ABCB4: variants seen among roughly 807,000 people sequenced by gnomAD.
ABCB4 encodes the protein phosphatidylcholine translocator ABCB4.
In ABCB4, 76 loss-of-function variants were observed where a neutral mutation model predicts 145.7. The ratio of observed to expected loss-of-function variants is 0.52; its 90% confidence interval spans 0.43 to 0.63. The LOEUF is 0.63. Ranked by LOEUF, ABCB4 falls within the 30% of genes least tolerant of loss-of-function variation. The pLI, the probability that ABCB4 is intolerant of heterozygous loss-of-function variation, is 0.00. For synonymous variants in ABCB4, 517 were observed against 566.8 expected (o/e 0.91, Z 1.25); for missense variants, 1,234 against 1,553.1 (o/e 0.79, Z 3.45).
the ABCB4 span, among the ~76,000 whole-genome samples, chr7:87,373,286 TG>T: frequency 7.9e-5 from 12 of 152,272 alleles, no homozygotes; most frequent in Non-Finnish European, 1.3e-4. Context: ...TAAATTAGTT[TG>T]TTTTTTTATT....
the ABCB4 span, chr7:87,382,100 A>T: frequency 6.2e-7 from 1 of 1,613,302 alleles, no homozygotes; most frequent in South Asian, 1.1e-5. Context: ...GAGATATACC[A>T]CTTCCAGAAG....
In ABCB4 at chr7:87,443,340, G is replaced by A. The variant is rs1220104971; in HGVS notation, c.1335C>T (p.Leu445=). The A allele has an allele frequency of 1.9e-6, 3 of 1,614,032 alleles. No individual in the cohort carries two copies. The highest frequency in any genetic ancestry group is 3.3e-4 in the Middle Eastern group (2 of 6,054). The change falls in exon 12 of 28, where the codon CTC becomes CTT. Residue 445 remains leucine, a synonymous_variant. Transcript: ENST00000649586. ...TTACTGTGCCCTCATCAGGGTCATA[G>A]AGCCTCTGTATCAGCTGGACCGTTG... ...KSTTVQLIQR[L]YDPDEGTINI... is the part of the protein sequence containing the mutation.
intron 3 of ABCB4, among the ~76,000 whole-genome samples, chr7:87,464,994 G>C (rs1234922999): frequency 6.6e-6 from 1 of 152,184 alleles, no homozygotes; most frequent in Non-Finnish European, 1.5e-5. Flanking sequence ...TGAGGCCCCA[G>C]GTTCATCTCA....
At chr7:87,436,367 G>C (rs1810611990) in intron 14 of ABCB4, among the ~76,000 whole-genome samples, 1 of 151,846 alleles carries the variant, frequency 6.6e-6, no homozygotes, top group African/African-American at 2.4e-5. Context: ...TTTTCTGATG[G>C]CAGGTTCACT....
At chr7:87,473,414 T>C (rs986626725) in intron 2 of ABCB4, among the ~76,000 whole-genome samples, 1 of 152,200 alleles carries the variant, frequency 6.6e-6, no homozygotes, top group African/African-American at 2.4e-5. Context: ...TCACCAAACA[T>C]GTACCTGACT....
intron 14 of ABCB4, among the ~76,000 whole-genome samples, chr7:87,432,437 G>T (rs45547639): frequency 0.059 from 8,911 of 152,136 alleles, 310 homozygotes; most frequent in South Asian, 0.14. Context: ...AAAAATGAGA[G>T]GCTAGATTCA....
chr7:87,412,526 T>C (rs1032905025), intron 22 of ABCB4, among the ~76,000 whole-genome samples: 1 of 152,186 alleles, frequency 6.6e-6, no homozygotes, highest in African/African-American at 2.4e-5. Context: ...CAGAAGTCCT[T>C]TCCCAAGCTA....
Position 87,443,448 on chromosome 7 carries a change from T to C in ABCB4, c.1231-4A>G. 3.7e-6 allele frequency: 6 copies of C among 1,613,440 alleles called. No individual in the cohort carries two copies. Among genetic ancestry groups the C allele is most frequent in the Non-Finnish European group, 5.1e-6 (6 of 1,179,894 alleles). The stretch of plus-strand genomic sequence containing the variant: ...TCAGGTTGAGGCCCTTCAAGATCTG[T>C]AAGGAAAATGAGAAAAAAGAACACA... On this transcript the variant is annotated splice_region_variant and splice_polypyrimidine_tract_variant and intron_variant, in intron 11 of 27. Transcript: ENST00000649586.
At chr7:87,376,697 T>C in the ABCB4 span, among the ~76,000 whole-genome samples, 1 of 151,986 alleles carries the variant, frequency 6.6e-6, no homozygotes, top group South Asian at 2.1e-4. Context: ...TAATGCAGTG[T>C]TGTTCAAAGT....
chr7:87,432,756 A>G (rs569168703), intron 14 of ABCB4, among the ~76,000 whole-genome samples: 1 of 152,266 alleles, frequency 6.6e-6, no homozygotes, highest in South Asian at 2.1e-4. Context: ...TTTCTTAATG[A>G]GGTGGTGAAA....
chr7:87,433,675 GTTT>G (rs1000391993), intron 14 of ABCB4, among the ~76,000 whole-genome samples: 1 of 100,366 alleles, frequency 1.0e-5, no homozygotes. Flanking sequence ...AATTGTTGTT[GTTT>G]TTTTTTTTTT....
intron 21 of ABCB4, among the ~76,000 whole-genome samples, 183 bp from the exon 22 acceptor site, chr7:87,413,900 T>C (rs1219470841): frequency 2.0e-5 from 3 of 152,258 alleles, no homozygotes; most frequent in Non-Finnish European, 4.4e-5. Flanking sequence ...CTGGTACTTC[T>C]GGCTGTGCTA....
Position 87,431,505 on chromosome 7 carries a change from C to A in ABCB4, c.1792G>T (p.Asp598Tyr). ...CCATCCTCAAACCCAGCGATGACAT[C>A]TGCATTTCGGACCGTAGACAGTCGG... ...AHRLSTVRNADVIAGFEDGVI... is the reference protein window; with the variant it reads ...AHRLSTVRNAYVIAGFEDGVI... Residue 598 changes from aspartate to tyrosine, a missense_variant, in exon 15 of 28, where the codon GAT becomes TAT. Physicochemically the swap from Asp to Tyr is radical, Grantham distance 160. Coordinates refer to ENST00000649586, the MANE Select transcript of ABCB4 (RefSeq NM_000443.4). 6.2e-7 allele frequency: 1 copy of A among 1,614,168 alleles called. No individual in the cohort carries two copies. The highest frequency in any genetic ancestry group is 8.5e-7 in the Non-Finnish European group (1 of 1,179,998).
At chr7:87,467,834 T>C (rs887211298) in intron 3 of ABCB4, among the ~76,000 whole-genome samples, 7 of 152,194 alleles carry the variant, frequency 4.6e-5, no homozygotes, top group Non-Finnish European at 8.8e-5. Flanking sequence ...ATAAAGATGT[T>C]CTTTGAAACC....
At chr7:87,403,058 G>GT (rs1267326375) in intron 27 of ABCB4, 77 bp downstream of exon 27, 14 of 1,493,464 alleles carry the variant, frequency 9.4e-6, no homozygotes, top group Non-Finnish European at 1.2e-5. Context: ...GCTTGTGTGT[G>GT]TTTTTTTCAT....
At chr7:87,452,907 T>G in intron 6 of ABCB4, 37 bp downstream of exon 6, 3 of 1,598,444 alleles carry the variant, frequency 1.9e-6, no homozygotes, top group Non-Finnish European at 2.6e-6. Context: ...CAGTAATTAA[T>G]TTCTATATGA....
chr7:87,442,548 A>AT (rs1811056803), intron 12 of ABCB4, among the ~76,000 whole-genome samples: 1 of 152,092 alleles, frequency 6.6e-6, no homozygotes, highest in African/African-American at 2.4e-5. Flanking sequence ...AAATTTACTG[A>AT]TTTTTAATCA....
the ABCB4 span, among the ~76,000 whole-genome samples, chr7:87,388,955 G>C: frequency 3.9e-5 from 6 of 152,060 alleles, no homozygotes; most frequent in African/African-American, 1.4e-4. Context: ...ATCAAAAAGT[G>C]GGCAAAAGAT....
chr7:87,392,489 T>A, the ABCB4 span: 1 of 1,113,738 alleles, frequency 9.0e-7, no homozygotes, highest in East Asian at 2.4e-5. Flanking sequence ...CAATCCTAAT[T>A]ACAATGAGCT....
Sources: gnomAD v4.1 joint callset for allele counts (sites outside exome capture counted in the v4.1 genomes callset) on GRCh38, gnomAD v4.1.1 for gene constraint, MANE v1.5 for transcripts, NCBI Gene and HGNC (gene_info 2026-07-23, HGNC 2026-07-21) for gene names.